CENPQ: variants seen among roughly 807,000 people sequenced by gnomAD.
CENPQ encodes the protein centromere protein Q.
A neutral mutation model predicts 36.6 loss-of-function variants in CENPQ; 27 were observed. The ratio of observed to expected loss-of-function variants is 0.74; its 90% confidence interval spans 0.54 to 1.02. The LOEUF is 1.02. Among genes scored for constraint, CENPQ ranks in the 50% least tolerant of loss-of-function variants. CENPQ has a pLI of 0.00. For missense variants in CENPQ, 306 were observed against 301.8 expected (o/e 1.01, Z -0.10); for synonymous variants, 101 against 101.7 (o/e 0.99, Z 0.04).
At chr6:49,490,669 G>C (rs995930429) in intron 8 of CENPQ, among the ~76,000 whole-genome samples, 1 of 152,158 alleles carries the variant, frequency 6.6e-6, no homozygotes, top group South Asian at 2.1e-4. Context: ...TCTAGTTTTT[G>C]ATTTAAAGTA....
At chr6:49,465,395 C>A (rs1767978372) in intron 1 of CENPQ, among the ~76,000 whole-genome samples, 1 of 152,170 alleles carries the variant, frequency 6.6e-6, no homozygotes, top group African/African-American at 2.4e-5. Flanking sequence ...TTCAAGTCAC[C>A]ACCCATATTA....
chr6:49,471,722 T>G (rs1199868758), intron 3 of CENPQ, among the ~76,000 whole-genome samples: 6 of 152,174 alleles, frequency 3.9e-5, no homozygotes, highest in African/African-American at 1.4e-4. Context: ...CCATCCAACA[T>G]TTGGAAAATA....
In CENPQ at chr6:49,479,866, A is replaced by G. The variant is rs548404737; in HGVS notation, c.348-1085A>G. On this transcript the variant is annotated intron_variant, in intron 5 of 8. Coordinates refer to ENST00000335783, the MANE Select transcript of CENPQ (RefSeq NM_018132.4). ...GTCATTATCCTAAGCAAACTAACAC[A>G]GGAACAGAAAACCACATAGTGCATT... Among the ~76,000 whole-genome samples, 9 of 152,342 alleles carry G rather than the reference A, an allele frequency of 5.9e-5. No homozygotes were observed. The South Asian group carries it at 1.9e-3, about 32-fold the overall frequency.
intron 6 of CENPQ, among the ~76,000 whole-genome samples, chr6:49,482,699 G>A (rs1374282481): frequency 2.0e-5 from 3 of 152,130 alleles, no homozygotes; most frequent in African/African-American, 4.8e-5. Flanking sequence ...TTGTCTCACC[G>A]CTTGGCGATA....
At chr6:49,465,810 A>G (rs1382056516) in intron 1 of CENPQ, among the ~76,000 whole-genome samples, 1 of 152,050 alleles carries the variant, frequency 6.6e-6, no homozygotes, top group Non-Finnish European at 1.5e-5. Context: ...ATCCCGGACC[A>G]CTCAAACTTT....
rs567325601 is a variant in CENPQ at position 49,475,759 on chromosome 6, A to C, written c.347+2901A>C. Among the ~76,000 whole-genome samples the C allele has an allele frequency of 4.5e-3, 681 of 152,288 alleles. 3 individuals carry two copies. The highest frequency in any genetic ancestry group is 0.016 in the African/African-American group (655 of 41,558). ...TACAAAATCAATGTGCAAAAATCAC[A>C]AGCATTCTTATACACCAATAACAGA... On this transcript the variant is annotated intron_variant, in intron 5 of 8. Coordinates refer to ENST00000335783, the MANE Select transcript of CENPQ (RefSeq NM_018132.4).
chr6:49,466,591 A>G (rs1217499026), intron 1 of CENPQ, among the ~76,000 whole-genome samples: 2 of 152,212 alleles, frequency 1.3e-5, no homozygotes, highest in Admixed American at 6.5e-5. Flanking sequence ...CCTGTGCACT[A>G]TCACTAAGCT....
chr6:49,471,630 A>G (rs1305171003), intron 3 of CENPQ, among the ~76,000 whole-genome samples: 1 of 151,920 alleles, frequency 6.6e-6, no homozygotes, highest in East Asian at 1.9e-4. Context: ...TCTTTTTTTT[A>G]ATACCTAATA....
Position 49,481,084 on chromosome 6 carries a change from T to A in CENPQ, c.477+4T>A, listed in dbSNP as rs748777598. ...AGAAGGTCTGGCATTACTACAGGTA[T>A]GAAATTTGAATAGGGAATCCATAAT... On this transcript the variant is annotated splice_donor_region_variant and intron_variant, in intron 6 of 8. Coordinates refer to ENST00000335783, the MANE Select transcript of CENPQ (RefSeq NM_018132.4). 2.5e-6 allele frequency: 4 copies of A among 1,590,074 alleles called. No individual in the cohort carries two copies. The highest frequency in any genetic ancestry group is 3.4e-6 in the Non-Finnish European group (4 of 1,172,954).
At chr6:49,488,826 G>T in intron 8 of CENPQ, 142 bp downstream of exon 8, 1 of 669,710 alleles carries the variant, frequency 1.5e-6, no homozygotes, top group Non-Finnish European at 2.7e-6. Context: ...TGGAAGTTAT[G>T]TTTACGCTAT....
intron 6 of CENPQ, among the ~76,000 whole-genome samples, chr6:49,484,688 A>G (rs1768534739): frequency 6.6e-6 from 1 of 152,178 alleles, no homozygotes; most frequent in Non-Finnish European, 1.5e-5. Context: ...TGAAGGAACA[A>G]TTTCTGAGCA....
intron 5 of CENPQ, among the ~76,000 whole-genome samples, chr6:49,473,102 T>G (rs1561965444): frequency 6.6e-6 from 1 of 152,176 alleles, no homozygotes; most frequent in Non-Finnish European, 1.5e-5. Context: ...CAGTTCACTC[T>G]TCCATATCAG....
intron 5 of CENPQ, among the ~76,000 whole-genome samples, chr6:49,476,179 A>C (rs1348801519): frequency 2.0e-5 from 3 of 152,106 alleles, no homozygotes; most frequent in Non-Finnish European, 2.9e-5. Context: ...AACTATATAA[A>C]AAGGCTATAG....
At chr6:49,485,572 G>GA (rs1310007263) in intron 6 of CENPQ, among the ~76,000 whole-genome samples, 9 of 151,758 alleles carry the variant, frequency 5.9e-5, no homozygotes, top group African/African-American at 1.7e-4. Context: ...AATAAATTCA[G>GA]AAAAAATGAT....
intron 6 of CENPQ, 71 bp downstream of exon 6, chr6:49,481,151 T>G: frequency 7.8e-7 from 1 of 1,274,976 alleles, no homozygotes; most frequent in Non-Finnish European, 1.1e-6. Context: ...GTTTTTAAAA[T>G]TATCATGATG....
At chr6:49,477,126 T>C (rs1768312826) in intron 5 of CENPQ, among the ~76,000 whole-genome samples, 1 of 152,110 alleles carries the variant, frequency 6.6e-6, no homozygotes, top group Non-Finnish European at 1.5e-5. Context: ...AACATGTGTG[T>C]TTACTGCGGC....
intron 1 of CENPQ, 61 bp from the exon 2 acceptor site, chr6:49,470,098 T>G: frequency 1.3e-6 from 1 of 745,152 alleles, no homozygotes; most frequent in Non-Finnish European, 2.2e-6. Flanking sequence ...CAAAACATTG[T>G]GCAAGGCTTT....
intron 8 of CENPQ, among the ~76,000 whole-genome samples, chr6:49,490,679 A>G (rs1403094857): frequency 1.3e-5 from 2 of 152,216 alleles, no homozygotes; most frequent in Non-Finnish European, 2.9e-5. Flanking sequence ...GATTTAAAGT[A>G]AGAGACATGA....
At position 49,487,454 on chromosome 6, in the gene CENPQ, T is replaced by TAAAAAAAAAAAAAAAAAA. The variant is rs759527083; in HGVS notation, c.478-884_478-883insAAAAAAAAAAAAAAAAAA. On this transcript the variant is annotated intron_variant, in intron 6 of 8. Transcript: ENST00000335783. ...GCTGACCCCTGCAGCTACCCTTTCT[T>TAAAAAAAAAAAAAAAAAA]AAAAAAAAAAAAAAGTCATTTAGAA... is the stretch of plus-strand genomic sequence containing the variant. Among the ~76,000 whole-genome samples, 104 of 93,196 alleles carry TAAAAAAAAAAAAAAAAAA rather than the reference T, an allele frequency of 1.1e-3. 8 individuals are homozygous for TAAAAAAAAAAAAAAAAAA. Among genetic ancestry groups the TAAAAAAAAAAAAAAAAAA allele is most frequent in the East Asian group, 2.8e-3 (7 of 2,510 alleles). 61.1% of individuals were successfully genotyped at this position (93,196 alleles called of 152,430 possible).
Sources: allele counts gnomAD v4.1 joint callset (sites outside exome capture counted in the v4.1 genomes callset), GRCh38; gene constraint gnomAD v4.1.1; transcripts MANE v1.5; gene names NCBI Gene and HGNC (gene_info 2026-07-23, HGNC 2026-07-21).